The following VPS37A variants were observed in gnomAD, a reference collection of about 807,000 sequenced individuals.
The protein encoded by VPS37A is vacuolar protein sorting-associated protein 37A.
In VPS37A, 30 loss-of-function variants were observed where a neutral mutation model predicts 49.8. That is an observed-to-expected ratio of 0.60 (90% CI 0.45 to 0.82). The LOEUF is 0.82. Among genes scored for constraint, VPS37A ranks in the 40% least tolerant of loss-of-function variants. The pLI, the probability that VPS37A is intolerant of heterozygous loss-of-function variation, is 0.00. For missense variants in VPS37A, 593 were observed against 464.4 expected (o/e 1.28, Z -2.55); for synonymous variants, 195 against 160.6 (o/e 1.21, Z -1.62).
At chr8:17,266,800 G>A (rs547007160) in intron 2 of VPS37A, among the ~76,000 whole-genome samples, 42 of 152,220 alleles carry the variant, frequency 2.8e-4, no homozygotes, top group African/African-American at 9.4e-4. Context: ...TTGAGACGGA[G>A]CCTCCCTCTG....
At chr8:17,260,824 T>A (rs1046691263) in intron 1 of VPS37A, among the ~76,000 whole-genome samples, 18 of 152,214 alleles carry the variant, frequency 1.2e-4, no homozygotes, top group African/African-American at 4.3e-4. Context: ...ATGGTTCTCA[T>A]TGAGAAGTCT....
chr8:17,282,169 G>C (rs1344218035), intron 9 of VPS37A, among the ~76,000 whole-genome samples: 1 of 151,926 alleles, frequency 6.6e-6, no homozygotes, highest in African/African-American at 2.4e-5. Flanking sequence ...ATTTAAAACA[G>C]TATAGTAGTT....
chr8:17,285,047 G>A (rs1563283439), intron 10 of VPS37A, among the ~76,000 whole-genome samples: 1 of 149,492 alleles, frequency 6.7e-6, no homozygotes, highest in Non-Finnish European at 1.5e-5. Context: ...TGCTGATCTG[G>A]AAAAAAAAAA....
the VPS37A span, among the ~76,000 whole-genome samples, chr8:17,316,009 C>G: frequency 6.6e-6 from 1 of 152,134 alleles, no homozygotes; most frequent in Non-Finnish European, 1.5e-5. Flanking sequence ...GAGCCAGATC[C>G]TATCTCTAAA....
the VPS37A span, chr8:17,311,889 C>G: frequency 4.3e-6 from 2 of 467,018 alleles, no homozygotes; most frequent in East Asian, 7.3e-5. Flanking sequence ...CATGTACTTA[C>G]TAAACATAAG....
downstream of VPS37A, chr8:17,300,156 G>C (rs1382003436): frequency 6.2e-7 from 1 of 1,613,988 alleles, no homozygotes; most frequent in Admixed American, 1.7e-5. Flanking sequence ...CTGAGTGCTT[G>C]CTGGGCTCAC....
At position 17,284,540 on chromosome 8, in the gene VPS37A, A is replaced by C; in HGVS notation, c.1037A>C (p.Asp346Ala). The C allele has an allele frequency of 6.2e-7, 1 of 1,600,452 alleles. No individual in the cohort carries two copies. Among genetic ancestry groups the C allele is most frequent in the Non-Finnish European group, 8.5e-7 (1 of 1,175,490 alleles). Reference sequence around the variant, plus strand: ...GCACATGAAGCTGAGGAAGAATCTGATAATATTGCAGAAGACTTCTTGGAG... The same window carrying C: ...GCACATGAAGCTGAGGAAGAATCTGCTAATATTGCAGAAGACTTCTTGGAG... Reference protein sequence around the residue: ...VAAHEAEEESDNIAEDFLEGK... With the variant: ...VAAHEAEEESANIAEDFLEGK... Residue 346 changes from aspartate (D) to alanine (A), a missense_variant, in exon 10 of 12, where the codon GAT (aspartate) becomes GCT (alanine). Coordinates refer to ENST00000324849, the MANE Select transcript of VPS37A (RefSeq NM_152415.3).
At chr8:17,294,964 A>AT (rs1816514839) in intron 11 of VPS37A, 23 bp from the exon 12 acceptor site, 1 of 152,436 alleles carries the variant, frequency 6.6e-6, no homozygotes, top group African/African-American at 2.4e-5. Flanking sequence ...TATTAGAGGT[A>AT]TTTTTTATTG....
intron 1 of VPS37A, among the ~76,000 whole-genome samples, chr8:17,253,816 A>G (rs905475445): frequency 3.9e-5 from 6 of 152,188 alleles, no homozygotes; most frequent in Non-Finnish European, 8.8e-5. Context: ...AACAAACACA[A>G]TTTACTTTGG....
At chr8:17,310,803 C>G in the VPS37A span, among the ~76,000 whole-genome samples, 1 of 152,138 alleles carries the variant, frequency 6.6e-6, no homozygotes, top group African/African-American at 2.4e-5. Flanking sequence ...TTGTGTAGCA[C>G]GGATTCATGA....
chr8:17,250,268 G>T (rs1291401924), intron 1 of VPS37A, among the ~76,000 whole-genome samples: 1 of 152,122 alleles, frequency 6.6e-6, no homozygotes, highest in African/African-American at 2.4e-5. Context: ...CTACCAAAGT[G>T]CAATATTTTG....
chr8:17,260,183 A>G (rs1005672259), intron 1 of VPS37A, among the ~76,000 whole-genome samples: 1 of 152,090 alleles, frequency 6.6e-6, no homozygotes, highest in Non-Finnish European at 1.5e-5. Flanking sequence ...CTTTGGTAGT[A>G]TGTTTTAATT....
At chr8:17,276,536 C>A in intron 6 of VPS37A, 69 bp downstream of exon 6, 1 of 1,406,804 alleles carries the variant, frequency 7.1e-7, no homozygotes, top group South Asian at 1.3e-5. Flanking sequence ...ATTATTATTT[C>A]ATATCCATAT....
At chr8:17,257,360 C>G (rs1258982936) in intron 1 of VPS37A, among the ~76,000 whole-genome samples, 4 of 152,136 alleles carry the variant, frequency 2.6e-5, no homozygotes, top group Admixed American at 2.0e-4. Flanking sequence ...TGTGATGCCT[C>G]CAACCTTGTT....
At chr8:17,253,058 TATC>T (rs1470877899) in intron 1 of VPS37A, among the ~76,000 whole-genome samples, 2 of 152,204 alleles carry the variant, frequency 1.3e-5, no homozygotes, top group Non-Finnish European at 2.9e-5. Flanking sequence ...ATTTAAGAAA[TATC>T]ATACAGCTCA....
chr8:17,267,236 C>T (rs1328867968), intron 2 of VPS37A, among the ~76,000 whole-genome samples: 1 of 152,038 alleles, frequency 6.6e-6, no homozygotes, highest in Non-Finnish European at 1.5e-5. Flanking sequence ...CATCAAATGA[C>T]CAGGTAAAGC....
the VPS37A span, among the ~76,000 whole-genome samples, chr8:17,307,787 C>CA: frequency 6.7e-6 from 1 of 149,302 alleles, no homozygotes; most frequent in Non-Finnish European, 1.5e-5. Flanking sequence ...ATCGCAAGGA[C>CA]AAAAAAACCA....
intron 5 of VPS37A, among the ~76,000 whole-genome samples, chr8:17,275,583 A>T (rs1814441841): frequency 1.3e-5 from 2 of 152,212 alleles, no homozygotes; most frequent in Non-Finnish European, 2.9e-5. Context: ...TGGGTCTGCT[A>T]ACATACGCTG....
the VPS37A span, among the ~76,000 whole-genome samples, chr8:17,319,530 C>T: frequency 6.4e-4 from 98 of 152,336 alleles, no homozygotes; most frequent in African/African-American, 1.9e-3. Flanking sequence ...GCCACCACAT[C>T]ATGGCTACCT....
Sources: allele counts gnomAD v4.1 joint callset (sites outside exome capture counted in the v4.1 genomes callset), GRCh38; gene constraint gnomAD v4.1.1; transcripts MANE v1.5; gene names NCBI Gene and HGNC (gene_info 2026-07-23, HGNC 2026-07-21).